Variants in UACA observed in about 807,000 individuals in gnomAD.
UACA encodes the protein nuclear membrane binding protein.
In UACA, 112 loss-of-function variants were observed where a neutral mutation model predicts 160.5. The observed-to-expected ratio is 0.70, with a 90% CI of 0.60 to 0.82. The LOEUF (loss-of-function observed/expected upper bound fraction) is 0.82, where lower values mean the gene tolerates loss of function less well. UACA is among the 40% of genes least tolerant of loss of function. The pLI is 0.00. For synonymous variants in UACA, 557 were observed against 568.4 expected (o/e 0.98, Z 0.29); for missense variants, 1,574 against 1,614.6 (o/e 0.97, Z 0.43).
At chr15:70,677,682 T>TA (rs1236287916) in intron 11 of UACA, among the ~76,000 whole-genome samples, 1 of 152,190 alleles carries the variant, frequency 6.6e-6, no homozygotes, top group Non-Finnish European at 1.5e-5. Flanking sequence ...ACTTTCCCTC[T>TA]AAAAAATGAT....
intron 1 of UACA, among the ~76,000 whole-genome samples, chr15:70,726,196 C>A (rs1566992360): frequency 6.6e-6 from 1 of 152,032 alleles, no homozygotes; most frequent in Non-Finnish European, 1.5e-5. Flanking sequence ...TTTAATACAT[C>A]AGTGAACTTT....
At chr15:70,674,666 T>TC (rs1897252531) in intron 13 of UACA, among the ~76,000 whole-genome samples, 3 of 152,134 alleles carry the variant, frequency 2.0e-5, no homozygotes, top group South Asian at 2.1e-4. Context: ...TGGCGTGATC[T>TC]CACTCATTGC....
At chr15:70,756,245 C>T (rs1355749325) in intron 1 of UACA, among the ~76,000 whole-genome samples, 1 of 151,898 alleles carries the variant, frequency 6.6e-6, no homozygotes. Flanking sequence ...CAGCTCACTG[C>T]AACCTCCGCC....
At chr15:70,663,211 C>T (rs572932758) in intron 17 of UACA, among the ~76,000 whole-genome samples, 2 of 152,316 alleles carry the variant, frequency 1.3e-5, no homozygotes, top group Admixed American at 1.3e-4. Flanking sequence ...TATGAACAGA[C>T]ACTTCTCAAA....
intron 8 of UACA, 113 bp from the exon 9 acceptor site, chr15:70,682,908 C>T: frequency 1.8e-6 from 1 of 568,644 alleles, no homozygotes; most frequent in South Asian, 5.4e-5. Flanking sequence ...TTAGAGTTTC[C>T]TCTAAAGCTT....
chr15:70,741,909 G>T (rs1259935836), intron 1 of UACA, among the ~76,000 whole-genome samples: 3 of 152,238 alleles, frequency 2.0e-5, no homozygotes, highest in Non-Finnish European at 4.4e-5. Flanking sequence ...TAGCCTCCAT[G>T]CATTAAATGA....
intron 1 of UACA, among the ~76,000 whole-genome samples, chr15:70,739,140 T>A (rs1484747559): frequency 6.6e-6 from 1 of 152,158 alleles, no homozygotes; most frequent in Non-Finnish European, 1.5e-5. Context: ...CAATCTACCA[T>A]CTCTTAAGAG....
At chr15:70,746,760 A>G (rs1899718914) in intron 1 of UACA, among the ~76,000 whole-genome samples, 1 of 152,194 alleles carries the variant, frequency 6.6e-6, no homozygotes, top group Non-Finnish European at 1.5e-5. Context: ...TAGGCTGGAT[A>G]AAGAAAATGT....
intron 1 of UACA, among the ~76,000 whole-genome samples, chr15:70,724,478 G>A (rs2140990719): frequency 6.6e-6 from 1 of 151,974 alleles, no homozygotes; most frequent in African/African-American, 2.4e-5. Context: ...TCAAATTTTA[G>A]TACATATGTG....
intron 7 of UACA, 134 bp downstream of exon 7, chr15:70,687,406 G>T: frequency 2.7e-6 from 2 of 732,988 alleles, no homozygotes; most frequent in Admixed American, 5.2e-5. Flanking sequence ...TTAATTCCAA[G>T]GAAAAGCAAG....
chr15:70,747,980 T>A (rs553121842), intron 1 of UACA, among the ~76,000 whole-genome samples: 43 of 152,326 alleles, frequency 2.8e-4, no homozygotes, highest in Non-Finnish European at 5.4e-4. Flanking sequence ...ATTCTCTAAT[T>A]CATATAATTC....
At chr15:70,688,245 A>G (rs1049588090) in intron 5 of UACA, among the ~76,000 whole-genome samples, 1 of 152,202 alleles carries the variant, frequency 6.6e-6, no homozygotes, top group African/African-American at 2.4e-5. Context: ...CATACAATTC[A>G]TATTTCTCAT....
Position 70,667,727 on chromosome 15 carries a change from G to T in UACA, c.2957C>A (p.Ala986Asp), listed in dbSNP as rs1483047561. ...TIQECIKVKY[A>D]PIVSFEECER... ...GCACTCCTCAAAGCTGACAATTGGGGCGTATTTTACCTTAATGCATTCTTG... is the reference window on the plus strand; with the variant it reads ...GCACTCCTCAAAGCTGACAATTGGGTCGTATTTTACCTTAATGCATTCTTG... The change falls in exon 16 of 19, where the codon GCC (alanine) becomes GAC (aspartate). Residue 986 changes from alanine (A) to aspartate (D), a missense_variant. Transcript: ENST00000322954. 1 of 1,613,942 alleles carries T rather than the reference G, an allele frequency of 6.2e-7. No homozygotes were observed. The highest frequency in any genetic ancestry group is 8.5e-7 in the Non-Finnish European group (1 of 1,179,970).
At chr15:70,764,017 G>A (rs149604510), upstream of UACA, among the ~76,000 whole-genome samples, 49 of 152,340 alleles carry the variant, frequency 3.2e-4, no homozygotes, top group East Asian at 9.2e-3. Context: ...AAATCCTGGT[G>A]CCTGGAAACC....
At chr15:70,674,074 C>A (rs1054123332) in intron 13 of UACA, among the ~76,000 whole-genome samples, 1 of 152,128 alleles carries the variant, frequency 6.6e-6, no homozygotes, top group South Asian at 2.1e-4. Flanking sequence ...GTTGCCCAGG[C>A]TGGTCTCGAA....
chr15:70,720,740 C>A (rs1237000862), intron 1 of UACA, among the ~76,000 whole-genome samples: 1 of 152,174 alleles, frequency 6.6e-6, no homozygotes, highest in Non-Finnish European at 1.5e-5. Context: ...ATCAAGAGGA[C>A]AAACTGTGGT....
intron 1 of UACA, among the ~76,000 whole-genome samples, chr15:70,750,367 C>A (rs1406962279): frequency 6.6e-6 from 1 of 152,132 alleles, no homozygotes; most frequent in Non-Finnish European, 1.5e-5. Flanking sequence ...GATCTACCCC[C>A]AAACCTCTAC....
chr15:70,682,903 GTTTC>G, intron 8 of UACA, 108 bp from the exon 9 acceptor site: 3 of 618,948 alleles, frequency 4.8e-6, no homozygotes, highest in Non-Finnish European at 7.7e-6. Flanking sequence ...AAACTTTAGA[GTTTC>G]CTCTAAAGCT....
At chr15:70,702,445 C>T in intron 1 of UACA, 1 of 395,934 alleles carries the variant, frequency 2.5e-6, no homozygotes, top group Non-Finnish European at 3.4e-6. Flanking sequence ...TAAATGCATG[C>T]TTTTCCTCTG....
Sources: allele counts gnomAD v4.1 joint callset (sites outside exome capture counted in the v4.1 genomes callset), GRCh38; gene constraint gnomAD v4.1.1; transcripts MANE v1.5; gene names NCBI Gene and HGNC (gene_info 2026-07-23, HGNC 2026-07-21).